Variants in DROSHA observed in about 807,000 individuals in gnomAD.
The protein encoded by DROSHA is drosha ribonuclease III.
Under a neutral mutation model 181.9 loss-of-function variants are expected in DROSHA, and 56 were observed. The ratio of observed to expected loss-of-function variants is 0.31; its 90% CI spans 0.25 to 0.38. DROSHA has a LOEUF of 0.38. DROSHA is among the 10% of genes least tolerant of loss of function. The pLI, the probability that DROSHA is intolerant of heterozygous loss-of-function variation, is 1.00. For synonymous variants in DROSHA, 524 were observed against 591.2 expected (o/e 0.89, Z 1.65); for missense variants, 1,218 against 1,743.5 (o/e 0.70, Z 5.37).
At chr5:31,523,106 C>G (rs1000229300) in intron 5 of DROSHA, among the ~76,000 whole-genome samples, 3 of 152,170 alleles carry the variant, frequency 2.0e-5, no homozygotes, top group African/African-American at 7.2e-5. Context: ...TTTCAGTTTT[C>G]CAAATATACT....
chr5:31,514,998 A>G lies in DROSHA; in HGVS notation c.1280T>C (p.Met427Thr). 1 of 1,613,864 alleles carries G rather than the reference A, an allele frequency of 6.2e-7. No homozygotes were observed. Among genetic ancestry groups the G allele is most frequent in the Non-Finnish European group, 8.5e-7 (1 of 1,179,858 alleles). The change falls in exon 8 of 36, where the codon ATG becomes ACG. Residue 427 changes from methionine (M) to threonine (T), a missense_variant. Met to Thr is a moderately conservative substitution (Grantham distance 81, BLOSUM62 -1). Coordinates refer to ENST00000344624, the MANE Select transcript of DROSHA (RefSeq NM_001382508.1). This position sits in a 1 kb window ranked among gnomAD's most constrained non-coding sequence, Gnocchi z 4.4. ...HSENYYSSDP[M>T]DQVGDSTVVG... The stretch of plus-strand genomic sequence containing the variant: ...CTACTTCAGACCTACCACCTGATCC[A>G]TGGGGTCACTGGAGTAGTAGTTTTC...
intron 30 of DROSHA, among the ~76,000 whole-genome samples, chr5:31,413,418 G>A (rs1029189045): frequency 1.3e-5 from 2 of 152,186 alleles, no homozygotes; most frequent in African/African-American, 4.8e-5. Flanking sequence ...AAGTCTGAAT[G>A]GCAGTTCTCT....
rs751019044 is a variant in DROSHA, at chr5:31,526,185, G to C, written c.748C>G (p.Arg250Gly). The change falls in exon 5 of 36, where the codon CGG becomes GGG. Residue 250 changes from arginine to glycine, a missense_variant. Physicochemically the swap from Arg to Gly is moderately radical, Grantham distance 125 (BLOSUM62 -2). This residue lies in a region of DROSHA where 536 missense variants were observed against 535.4 expected (regional missense o/e 1.00). Transcript: ENST00000344624. ...CTGTCGGGACTGCGGCCTCGCTCCCGCCGATCCAGGGACCGATGCCTCTCA... is the reference window on the plus strand; with the variant it reads ...CTGTCGGGACTGCGGCCTCGCTCCCCCCGATCCAGGGACCGATGCCTCTCA... ...RGERHRSLDRRERGRSPDRRR... is the reference protein window; with the variant it reads ...RGERHRSLDRGERGRSPDRRR... 6.2e-7 allele frequency: 1 copy of C among 1,613,748 alleles called. No individual in the cohort carries two copies. Among genetic ancestry groups the C allele is most frequent in the Non-Finnish European group, 8.5e-7 (1 of 1,179,852 alleles).
At chr5:31,488,413 CA>C (rs746732224) in intron 13 of DROSHA, among the ~76,000 whole-genome samples, 301 of 64,066 alleles carry the variant, frequency 4.7e-3, no homozygotes, top group Middle Eastern at 9.8e-3. Flanking sequence ...ACTCTATCAC[CA>C]AAAAAAAAAA....
intron 27 of DROSHA, 118 bp downstream of exon 27, chr5:31,429,357 A>G (rs1443814078): frequency 2.2e-6 from 2 of 900,484 alleles, no homozygotes; most frequent in Non-Finnish European, 3.3e-6. Flanking sequence ...TGTCCCATCT[A>G]TGGTAGATCT....
rs1250467243 is a variant in DROSHA at position 31,422,792 on chromosome 5, C to G, written c.3414G>C (p.Leu1138=). Residue 1138 remains leucine (L), a synonymous_variant, in exon 29 of 36, where the codon CTG becomes CTC. Transcript: ENST00000344624. ...CATGAGAACTTTTAACTCACAGGGT[C>G]AGATGGTTAAATCCCACAGTTCTCA... is the stretch of plus-strand genomic sequence containing the variant. ...FTLRTVGFNH[L]TLGHNQRMEF... 1.2e-6 allele frequency: 2 copies of G among 1,613,528 alleles called. No individual in the cohort carries two copies. Among genetic ancestry groups the G allele is most frequent in the African/African-American group, 2.7e-5 (2 of 74,914 alleles).
Position 31,411,006 on chromosome 5 carries a change from G to C in DROSHA, c.3526-119C>G, listed in dbSNP as rs1741246248. 2 of 1,421,990 alleles carry C rather than the reference G, an allele frequency of 1.4e-6. No homozygotes were observed. Among genetic ancestry groups the C allele is most frequent in the Non-Finnish European group, 1.9e-6 (2 of 1,047,204 alleles). The allele number at this position is 1,421,990 out of a possible 1,614,324, so 88.1% of individuals were successfully genotyped here. A position where few individuals can be genotyped will look rare whatever the true frequency, so the allele number is the denominator to read the frequency against. ...CTGACAGGGACACCAAAATAAGTGAGGTCTATGGCCTCAACCATCACCCAG... is the reference window on the plus strand; with the variant it reads ...CTGACAGGGACACCAAAATAAGTGACGTCTATGGCCTCAACCATCACCCAG... On this transcript the variant is annotated intron_variant, in intron 30 of 35. Coordinates refer to ENST00000344624, the MANE Select transcript of DROSHA (RefSeq NM_001382508.1). This position sits in a 1 kb window ranked among gnomAD's most constrained non-coding sequence, Gnocchi z 4.2.
intron 16 of DROSHA, among the ~76,000 whole-genome samples, chr5:31,477,141 A>G (rs1750468379): frequency 6.6e-6 from 1 of 152,216 alleles, no homozygotes; most frequent in African/African-American, 2.4e-5. Context: ...GTTTCAGGGA[A>G]TGAATCTGGA....
At chr5:31,422,281 A>T (rs1026849968) in intron 29 of DROSHA, among the ~76,000 whole-genome samples, 15 of 152,054 alleles carry the variant, frequency 9.9e-5, no homozygotes, top group Non-Finnish European at 1.5e-5. Flanking sequence ...ACCCCAAAGA[A>T]GTAAAATTTT....
intron 35 of DROSHA, 59 bp from the exon 36 acceptor site, chr5:31,401,621 A>G: frequency 8.8e-7 from 1 of 1,141,786 alleles, no homozygotes; most frequent in Non-Finnish European, 1.1e-6. Context: ...TCTAGTGCAA[A>G]GAATAATGCA....
At chr5:31,443,168 C>G (rs1352714801) in intron 23 of DROSHA, among the ~76,000 whole-genome samples, 2 of 151,536 alleles carry the variant, frequency 1.3e-5, no homozygotes, top group Non-Finnish European at 2.9e-5. Context: ...TACAGGAGGC[C>G]ACCACCATGT....
intron 35 of DROSHA, 136 bp downstream of exon 35, chr5:31,405,539 TTC>T: frequency 1.2e-6 from 1 of 812,792 alleles, no homozygotes; most frequent in East Asian, 2.7e-5. Context: ...TTCTACTATA[TTC>T]TCTGTGTAAA....
intron 27 of DROSHA, among the ~76,000 whole-genome samples, chr5:31,426,824 T>G (rs1743528254): frequency 6.6e-6 from 1 of 151,798 alleles, no homozygotes; most frequent in South Asian, 2.1e-4. Flanking sequence ...AAAGAAGAAA[T>G]GTGGTATGAA....
chr5:31,451,362 G>A (rs1231146150), intron 21 of DROSHA, among the ~76,000 whole-genome samples, 171 bp downstream of exon 21: 2 of 152,186 alleles, frequency 1.3e-5, no homozygotes, highest in Non-Finnish European at 2.9e-5. Context: ...AAATGTAAGA[G>A]AATGGGCTGG....
chr5:31,504,423 A>C lies in DROSHA; in HGVS notation c.1668+132T>G, dbSNP rs1033384316. ...CCAAGTGCTTTCCTCTGCAATTATC[A>C]GTAAGAGACTATTAGGGAATATGAA... On this transcript the variant is annotated intron_variant, in intron 11 of 35. Transcript: ENST00000344624. The C allele has an allele frequency of 1.5e-5, 15 of 984,400 alleles. No individual in the cohort carries two copies. In the African/African-American group the frequency reaches 2.0e-4, roughly 13 times the overall value. The allele number at this position is 984,400 out of a possible 1,614,324, so 61.0% of individuals were successfully genotyped here. A position where few individuals can be genotyped will look rare whatever the true frequency, so the allele number is the denominator to read the frequency against.
At chr5:31,511,365 A>AT (rs1398861709) in intron 8 of DROSHA, among the ~76,000 whole-genome samples, 189 bp from the exon 9 acceptor site, 3 of 152,232 alleles carry the variant, frequency 2.0e-5, no homozygotes, top group African/African-American at 7.2e-5. Context: ...ACACACACTT[A>AT]TCGCTGACAC....
intron 23 of DROSHA, among the ~76,000 whole-genome samples, chr5:31,446,936 T>C (rs1746377236): frequency 6.6e-6 from 1 of 151,948 alleles, no homozygotes; most frequent in Non-Finnish European, 1.5e-5. Flanking sequence ...GCTACTCAGG[T>C]GTCTGAGGCG....
chr5:31,474,267 A>G (rs1750105926), intron 16 of DROSHA, among the ~76,000 whole-genome samples: 1 of 152,250 alleles, frequency 6.6e-6, no homozygotes, highest in Non-Finnish European at 1.5e-5. Context: ...TTACAAAGCA[A>G]CTGCCTTAAA....
intron 20 of DROSHA, among the ~76,000 whole-genome samples, chr5:31,463,435 T>C (rs1388444347): frequency 6.6e-6 from 1 of 152,214 alleles, no homozygotes; most frequent in Non-Finnish European, 1.5e-5. Flanking sequence ...TGCTTGAACT[T>C]ACTGCAACAC....
Sources: gnomAD v4.1 joint callset for allele counts (sites outside exome capture counted in the v4.1 genomes callset) on GRCh38, gnomAD v4.1.1 for gene constraint, gnomAD v4.1.1 regional missense constraint, Gnocchi (gnomAD v3.1) non-coding constraint, MANE v1.5 for transcripts, NCBI Gene and HGNC (gene_info 2026-07-23, HGNC 2026-07-21) for gene names.